Variants in HIP1R observed in about 807,000 individuals in gnomAD.
The protein encoded by HIP1R is huntingtin-interacting protein 1-related protein.
HIP1R carries 135 observed loss-of-function variants against 144.2 expected under a neutral mutation model. That is an observed-to-expected ratio of 0.94 (90% confidence interval 0.81 to 1.08). HIP1R has a LOEUF of 1.08. Ranked by LOEUF, HIP1R falls within the 50% of genes least tolerant of loss-of-function variation. HIP1R has a pLI of 0.00. For synonymous variants in HIP1R, 698 were observed against 612.8 expected, an observed-to-expected ratio of 1.14 and a Z score of -2.05; for missense variants, 1,462 against 1,432.8, an observed-to-expected ratio of 1.02 and a Z score of -0.33.
chr12:122,859,381 G>GC (rs1566114577), intron 22 of HIP1R, 45 bp from the exon 23 acceptor site: 2 of 1,477,236 alleles, frequency 1.4e-6, no homozygotes, highest in South Asian at 2.3e-5. Flanking sequence ...CCCGTGGGAC[G>GC]GGGGGGGACG....
chr12:122,844,278 G>A (rs370882407), intron 1 of HIP1R, among the ~76,000 whole-genome samples: 3 of 152,146 alleles, frequency 2.0e-5, no homozygotes, highest in Admixed American at 6.6e-5. Flanking sequence ...GACTACAGCC[G>A]TGCACCACTA....
chr12:122,851,153 G>T, intron 6 of HIP1R, 83 bp from the exon 7 acceptor site: 1 of 1,239,004 alleles, frequency 8.1e-7, no homozygotes, highest in South Asian at 1.6e-5. Flanking sequence ...CGGTGCCCCC[G>T]TCCCCACTGG....
In HIP1R at chr12:122,836,750, A is replaced by G. The variant is rs1381145522; in HGVS notation, c.93+1107A>G. Among the ~76,000 whole-genome samples, 1 of 152,182 alleles carries G rather than the reference A, an allele frequency of 6.6e-6. No individual in the cohort carries two copies. The highest frequency in any genetic ancestry group is 1.5e-5 in the Non-Finnish European group (1 of 68,038). On this transcript the variant is annotated intron_variant, in intron 1 of 31. Coordinates refer to ENST00000253083, the MANE Select transcript of HIP1R (RefSeq NM_003959.3). This position sits in a 1 kb window ranked among gnomAD's most constrained non-coding sequence, Gnocchi z 4.1. The stretch of plus-strand genomic sequence containing the variant: ...GTCCCACTTGTCCTTGCAGAGAGCT[A>G]TGACTTCTGCGGTTGCCTTCACATC...
intron 7 of HIP1R, chr12:122,853,727 T>C (rs2033468834): frequency 3.6e-6 from 1 of 278,996 alleles, no homozygotes; most frequent in Admixed American, 5.3e-5. Flanking sequence ...TTGAGGCCCG[T>C]GGGCATGGAG....
rs948117867 is a variant in HIP1R at position 122,862,150 on chromosome 12, G to C, written c.*397G>C. 1 of 191,460 alleles carries C rather than the reference G, an allele frequency of 5.2e-6. No homozygotes were observed. Among genetic ancestry groups the C allele is most frequent in the Non-Finnish European group, 1.1e-5 (1 of 93,956 alleles). 11.9% of individuals were successfully genotyped at this position (191,460 alleles called of 1,614,324 possible). A position where few individuals can be genotyped will look rare whatever the true frequency, so the allele number is the denominator to read the frequency against. On this transcript the variant is annotated 3_prime_UTR_variant, in exon 32 of 32. Transcript: ENST00000253083. ...CCAGCGTGGGGCTCCCTGCCTTCTG[G>C]ACTCCTGAAGGTCGTGGATGGATGG...
Position 122,858,166 on chromosome 12 carries a change from C to G in HIP1R, c.1880C>G (p.Ala627Gly). Residue 627 changes from alanine (A) to glycine (G), a missense_variant, in exon 19 of 32, where the codon GCT (alanine) becomes GGT (glycine). Physicochemically the swap from Ala to Gly is moderately conservative, Grantham distance 60. Coordinates refer to ENST00000253083, the MANE Select transcript of HIP1R (RefSeq NM_003959.3). ...LDEQFAVLRG[A>G]AAEAAGILQD... ...GAGCAGTTCGCAGTGTTGCGGGGCG[C>G]TGCTGCCGAGGCCGCGGGCATCCTG... 1 of 1,606,978 alleles carries G rather than the reference C, an allele frequency of 6.2e-7. No homozygotes were observed. Among genetic ancestry groups the G allele is most frequent in the Non-Finnish European group, 8.5e-7 (1 of 1,178,460 alleles).
At chr12:122,845,304 A>C (rs2033177457) in intron 1 of HIP1R, among the ~76,000 whole-genome samples, 2 of 152,220 alleles carry the variant, frequency 1.3e-5, no homozygotes, top group Admixed American at 1.3e-4. Flanking sequence ...GAGCAGCCAC[A>C]GACTCCCACT....
chr12:122,857,775 A>T (rs59192320), intron 18 of HIP1R: 29,212 of 317,576 alleles, frequency 0.092, 1,803 homozygotes, highest in East Asian at 0.21. Flanking sequence ...TAGCCATCCT[A>T]GTGGGTGTGG....
intron 1 of HIP1R, among the ~76,000 whole-genome samples, chr12:122,838,954 CT>C (rs2032981799): frequency 6.6e-6 from 1 of 152,216 alleles, no homozygotes; most frequent in Admixed American, 6.5e-5. Context: ...TGACACTTTG[CT>C]TTTAGTCCTG....
At chr12:122,852,214 G>C (rs2033420994) in intron 7 of HIP1R, among the ~76,000 whole-genome samples, 1 of 152,226 alleles carries the variant, frequency 6.6e-6, no homozygotes, top group Non-Finnish European at 1.5e-5. Context: ...CCCAGGTCTG[G>C]CCAGTGCAGC....
chr12:122,849,983 T>C (rs1244977414), intron 5 of HIP1R, 28 bp downstream of exon 5: 6 of 1,523,244 alleles, frequency 3.9e-6, no homozygotes, highest in Admixed American at 1.7e-5. Context: ...GTCATGGGGC[T>C]GAGGGACCCG....
At chr12:122,837,175 G>T (rs1296871058) in intron 1 of HIP1R, among the ~76,000 whole-genome samples, 2 of 152,148 alleles carry the variant, frequency 1.3e-5, no homozygotes, top group Non-Finnish European at 2.9e-5. Context: ...GCTACATGGA[G>T]GAGATGGGAT....
rs3215146 is a variant in HIP1R at position 122,855,907 on chromosome 12, C to CT, written c.1128+4_1128+5insT. 31 of 1,061,712 alleles carry CT rather than the reference C, an allele frequency of 2.9e-5. No individual in the cohort carries two copies. Among genetic ancestry groups the CT allele is most frequent in the Admixed American group, 2.5e-4 (9 of 35,784 alleles). 65.8% of individuals were successfully genotyped at this position (1,061,712 alleles called of 1,614,324 possible). On this transcript the variant is annotated splice_donor_region_variant and intron_variant, in intron 13 of 31. Transcript: ENST00000253083. ...ACTGGAGAAGATCAAGCTGGAGGTG[C>CT]GGGGTGGGGATGGGTGGGGGCCAGG...
intron 1 of HIP1R, 50 bp from the exon 2 acceptor site, chr12:122,847,981 C>G (rs375011579): frequency 5.0e-6 from 8 of 1,589,730 alleles, no homozygotes; most frequent in Non-Finnish European, 6.9e-6. Flanking sequence ...GGTGGTGTCT[C>G]CTGGGGTGGC....
Position 122,850,925 on chromosome 12 carries a change from C to T in HIP1R, c.515+14C>T, listed in dbSNP as rs773493832. The T allele has an allele frequency of 1.9e-6, 3 of 1,601,434 alleles. No individual in the cohort carries two copies. The highest frequency in any genetic ancestry group is 1.3e-5 in the African/African-American group (1 of 74,546). On this transcript the variant is annotated intron_variant, in intron 6 of 31. Coordinates refer to ENST00000253083, the MANE Select transcript of HIP1R (RefSeq NM_003959.3). Reference sequence around the variant, plus strand: ...TGTCAACAACATGTGAGTCACTCTGCATGGCTACATAGCCAGTTCCCCTCG... The same window carrying T: ...TGTCAACAACATGTGAGTCACTCTGTATGGCTACATAGCCAGTTCCCCTCG...
rs556510000 is a variant in HIP1R, at chr12:122,840,551, C to G, written c.93+4908C>G. On this transcript the variant is annotated intron_variant, in intron 1 of 31. Transcript: ENST00000253083. The surrounding 1 kb of genome is among the most constrained non-coding windows in gnomAD (Gnocchi z 4.2). ...AGAAATTTACAGGTGTTCATAGTGC[C>G]TGGTGTGTAGTGAATGCCGTGTAAG... Among the ~76,000 whole-genome samples, 8 of 152,212 alleles carry G rather than the reference C, an allele frequency of 5.3e-5. No homozygotes were observed. Among genetic ancestry groups the G allele is most frequent in the Non-Finnish European group, 1.2e-4 (8 of 68,044 alleles).
Position 122,858,090 on chromosome 12 carries a change from C to A in HIP1R, c.1816-12C>A. On this transcript the variant is annotated splice_polypyrimidine_tract_variant and intron_variant, in intron 18 of 31. Transcript: ENST00000253083. ...AGGATCTCTAACCTGTCCTCTTCAC[C>A]CCCATTGCCAGGAGTCTCAGGAGCA... 2 of 1,561,326 alleles carry A rather than the reference C, an allele frequency of 1.3e-6. No homozygotes were observed. Among genetic ancestry groups the A allele is most frequent in the South Asian group, 2.3e-5 (2 of 86,184 alleles).
In HIP1R at chr12:122,835,600, G is replaced by A; in HGVS notation, c.50G>A (p.Gly17Asp). 1 of 1,342,020 alleles carries A rather than the reference G, an allele frequency of 7.5e-7. No individual in the cohort carries two copies. The highest frequency in any genetic ancestry group is 9.6e-7 in the Non-Finnish European group (1 of 1,037,806). The allele number at this position is 1,342,020 out of a possible 1,614,324, so 83.1% of individuals were successfully genotyped here. Residue 17 changes from glycine (G) to aspartate (D), a missense_variant, in exon 1 of 32, where the codon GGC (glycine) becomes GAC (aspartate). By Grantham distance (94) the Gly-to-Asp change is moderately conservative. Transcript: ENST00000253083. ...GCGCGGGTGCTGAGCCGCAGGCCGG[G>A]CCACAGCCTGGAGGCCGAGCGCGAG... ...VPARVLSRRP[G>D]HSLEAEREQF...
chr12:122,861,701 T>A lies in HIP1R; in HGVS notation c.3160-5T>A. The stretch of plus-strand genomic sequence containing the variant: ...CCACTGACCCCCCACCTTTAACCCC[T>A]GCAGCTTGACAAAAAGGATGGCATC... On this transcript the variant is annotated splice_polypyrimidine_tract_variant and splice_region_variant and intron_variant, in intron 31 of 31. Transcript: ENST00000253083. The A allele has an allele frequency of 5.6e-6, 9 of 1,614,086 alleles. No individual in the cohort carries two copies. The highest frequency in any genetic ancestry group is 7.6e-6 in the Non-Finnish European group (9 of 1,179,980).
Sources: allele counts gnomAD v4.1 joint callset (sites outside exome capture counted in the v4.1 genomes callset), GRCh38; gene constraint gnomAD v4.1.1; non-coding constraint Gnocchi (gnomAD v3.1); transcripts MANE v1.5; gene names NCBI Gene and HGNC (gene_info 2026-07-23, HGNC 2026-07-21).